The following UBIAD1 variants were observed in gnomAD, a reference collection of about 807,000 sequenced individuals.
The protein encoded by UBIAD1 is ubiA prenyltransferase domain-containing protein 1.
UBIAD1 carries 12 observed loss-of-function variants against 20.1 expected under a neutral mutation model. The observed-to-expected ratio is 0.60, with a 90% confidence interval of 0.38 to 0.97. The LOEUF (loss-of-function observed/expected upper bound fraction) is 0.97, where lower values mean the gene tolerates loss of function less well. UBIAD1 is among the 50% of genes least tolerant of loss of function. The pLI is 0.00. For missense variants in UBIAD1, 333 were observed against 419.5 expected, an observed-to-expected ratio of 0.79 and a Z score of 1.80; for synonymous variants, 207 against 189.2, an observed-to-expected ratio of 1.09 and a Z score of -0.77.
Position 11,286,244 on chromosome 1 carries a change from A to G in UBIAD1, c.*113A>G. 7.3e-7 allele frequency: 1 copy of G among 1,371,156 alleles called. No individual in the cohort carries two copies. Among genetic ancestry groups the G allele is most frequent in the African/African-American group, 1.4e-5 (1 of 68,966 alleles). 84.9% of individuals were successfully genotyped at this position (1,371,156 alleles called of 1,614,324 possible). A position where few individuals can be genotyped will look rare whatever the true frequency, so the allele number is the denominator to read the frequency against. ...GTCAGGGTACTAAGCATGGGTGGGA[A>G]CTCCTGCCTTATAAAAATTGTTTTT... On this transcript the variant is annotated 3_prime_UTR_variant, in exon 2 of 2. Coordinates refer to ENST00000376810, the MANE Select transcript of UBIAD1 (RefSeq NM_013319.3).
Position 11,285,605 on chromosome 1 carries a change from C to T in UBIAD1, c.530-39C>T. 6.2e-7 allele frequency: 1 copy of T among 1,613,816 alleles called. No individual in the cohort carries two copies. The highest frequency in any genetic ancestry group is 2.2e-5 in the East Asian group (1 of 44,886). Reference sequence around the variant, plus strand: ...GGTGAACAGTCCCTAAATTTCCAGCCTTGGTCTCACACCAACTCTCTGGAT... The same window carrying T: ...GGTGAACAGTCCCTAAATTTCCAGCTTTGGTCTCACACCAACTCTCTGGAT... On this transcript the variant is annotated intron_variant, in intron 1 of 1. Transcript: ENST00000376810. This position sits in a 1 kb window ranked among gnomAD's most constrained non-coding sequence, Gnocchi z 4.4.
In UBIAD1 at chr1:11,273,581, A is replaced by G; in HGVS notation, c.50A>G (p.Glu17Gly). ...LGEKINILSG[E>G]TVKAGDRDPL... is the part of the protein sequence containing the mutation. Reference sequence around the variant, plus strand: ...GAGAAGATTAACATCCTGTCGGGAGAGACTGTCAAAGCTGGGGACAGGGAC... The same window carrying G: ...GAGAAGATTAACATCCTGTCGGGAGGGACTGTCAAAGCTGGGGACAGGGAC... The change falls in exon 1 of 2, where the codon GAG becomes GGG. Residue 17 changes from glutamate to glycine, a missense_variant. Transcript: ENST00000376810. This position sits in a 1 kb window ranked among gnomAD's most constrained non-coding sequence, Gnocchi z 4.9. The G allele has an allele frequency of 3.7e-6, 6 of 1,613,490 alleles. No homozygotes were observed. The highest frequency in any genetic ancestry group is 1.1e-5 in the South Asian group (1 of 91,064).
downstream of UBIAD1, among the ~76,000 whole-genome samples, chr1:11,289,172 AGCAGGCGGTGGGAGAGAGCTAACTGAT>A (rs1638320784): frequency 6.6e-6 from 1 of 152,230 alleles, no homozygotes; most frequent in Non-Finnish European, 1.5e-5. Context: ...TGAGAGACTG[AGCAGGCGGTGGGAGAGAGCTAACTGAT>A]CAGCATGTCA....
At chr1:11,281,893 G>A (rs560509966) in intron 1 of UBIAD1, among the ~76,000 whole-genome samples, 22 of 152,300 alleles carry the variant, frequency 1.4e-4, no homozygotes, top group African/African-American at 4.3e-4. Flanking sequence ...TTTGCTCAGC[G>A]TGATGTTTTT....
downstream of UBIAD1, among the ~76,000 whole-genome samples, chr1:11,292,668 T>TATACACACACACAC (rs1223161585): frequency 2.2e-4 from 31 of 140,742 alleles, no homozygotes; most frequent in East Asian, 1.7e-3. Context: ...ATTTTATGTA[T>TATACACACACACAC]ACACACACAC....
chr1:11,284,269 G>T (rs764417126), intron 1 of UBIAD1, among the ~76,000 whole-genome samples: 75 of 152,244 alleles, frequency 4.9e-4, no homozygotes, highest in Admixed American at 5.9e-4. Context: ...GGCCAAGGGA[G>T]GGGTGTCTGA....
chr1:11,295,052 T>C, exon 2 of UBIAD1: 1 of 678,180 alleles, frequency 1.5e-6, no homozygotes, highest in Non-Finnish European at 2.7e-6. Context: ...GAGCTGACAA[T>C]TGTATGCATG....
chr1:11,282,228 G>C (rs1486491653), intron 1 of UBIAD1, among the ~76,000 whole-genome samples: 1 of 152,178 alleles, frequency 6.6e-6, no homozygotes, highest in South Asian at 2.1e-4. Flanking sequence ...GTTGCTCTGC[G>C]TCTTGCCAAC....
rs1482286909 is a variant in UBIAD1, at chr1:11,285,521, C to T, written c.530-123C>T. 6.9e-7 allele frequency: 1 copy of T among 1,441,552 alleles called. No homozygotes were observed. Among genetic ancestry groups the T allele is most frequent in the Non-Finnish European group, 9.6e-7 (1 of 1,046,940 alleles). The allele number at this position is 1,441,552 out of a possible 1,614,324, so 89.3% of individuals were successfully genotyped here. On this transcript the variant is annotated intron_variant, in intron 1 of 1. Transcript: ENST00000376810. The surrounding 1 kb of genome is among the most constrained non-coding windows in gnomAD (Gnocchi z 4.4). ...GTGGGGTTAAGGGATGAAATGAGTG[C>T]CCACCTGCACAGTCTAAGGATTTAC...
Position 11,273,444 on chromosome 1 carries a change from C to T in UBIAD1, c.-88C>T. 4 of 1,552,968 alleles carry T rather than the reference C, an allele frequency of 2.6e-6. No individual in the cohort carries two copies. Among genetic ancestry groups the T allele is most frequent in the South Asian group, 2.2e-5 (2 of 89,004 alleles). ...GGCGGAACCGAAGGAAGGTCGGGCC[C>T]TGCTGCCCCGCCCCGTCCTTCCTCC... On this transcript the variant is annotated 5_prime_UTR_variant, in exon 1 of 2. Transcript: ENST00000376810. This position sits in a 1 kb window ranked among gnomAD's most constrained non-coding sequence, Gnocchi z 4.9.
chr1:11,276,489 C>A (rs772557086), intron 1 of UBIAD1, among the ~76,000 whole-genome samples: 30 of 151,880 alleles, frequency 2.0e-4, no homozygotes, highest in Non-Finnish European at 5.9e-5. Flanking sequence ...CATGGTGAAA[C>A]CTTGTCTGTA....
downstream of UBIAD1, among the ~76,000 whole-genome samples, chr1:11,291,388 A>G (rs1202089652): frequency 6.6e-6 from 1 of 152,172 alleles, no homozygotes; most frequent in African/African-American, 2.4e-5. Flanking sequence ...TGGGTGGATC[A>G]CTTGAGTTCA....
At position 11,286,290 on chromosome 1, in the gene UBIAD1, T is replaced by C; in HGVS notation, c.*159T>C. 3 of 964,628 alleles carry C rather than the reference T, an allele frequency of 3.1e-6. No individual in the cohort carries two copies. Among genetic ancestry groups the C allele is most frequent in the Non-Finnish European group, 1.5e-6 (1 of 655,254 alleles). 59.8% of individuals were successfully genotyped at this position (964,628 alleles called of 1,614,324 possible). ...TTTTTGTGTTCTTAAAGATAATATG[T>C]TGTTTTTCTGTTTTTTGTTTTTTCC... On this transcript the variant is annotated 3_prime_UTR_variant, in exon 2 of 2. Coordinates refer to ENST00000376810, the MANE Select transcript of UBIAD1 (RefSeq NM_013319.3).
chr1:11,298,012 G>C (rs1303610379), downstream of UBIAD1, among the ~76,000 whole-genome samples: 1 of 151,594 alleles, frequency 6.6e-6, no homozygotes, highest in Non-Finnish European at 1.5e-5. This position sits in a 1 kb window ranked among gnomAD's most constrained non-coding sequence, Gnocchi z 4.0. Context: ...CCAGGCTGAA[G>C]TGCAGTGGCA....
chr1:11,277,390 G>A (rs1377635650), intron 1 of UBIAD1, among the ~76,000 whole-genome samples: 1 of 151,226 alleles, frequency 6.6e-6, no homozygotes, highest in African/African-American at 2.4e-5. Flanking sequence ...CGCCTCCCAG[G>A]TTCAAGTATA....
downstream of UBIAD1, among the ~76,000 whole-genome samples, chr1:11,296,314 G>A (rs1003805588): frequency 6.6e-6 from 1 of 152,120 alleles, no homozygotes; most frequent in African/African-American, 2.4e-5. Flanking sequence ...AGCACTGGGT[G>A]GGTAGAAGTC....
At chr1:11,292,560 G>C (rs993103686), downstream of UBIAD1, among the ~76,000 whole-genome samples, 3 of 152,082 alleles carry the variant, frequency 2.0e-5, no homozygotes, top group Non-Finnish European at 2.9e-5. Flanking sequence ...GGAGGACAGA[G>C]TACAAGAGCC....
At chr1:11,299,463 C>CG (rs772726625), downstream of UBIAD1, among the ~76,000 whole-genome samples, 11 of 152,228 alleles carry the variant, frequency 7.2e-5, no homozygotes, top group Non-Finnish European at 1.6e-4. Context: ...ATTTGGTTAA[C>CG]AGTCTTTTTC....
chr1:11,299,215 C>T (rs1053681180), downstream of UBIAD1, among the ~76,000 whole-genome samples: 7 of 152,356 alleles, frequency 4.6e-5, no homozygotes, highest in East Asian at 1.2e-3. Context: ...CATGTCAAGG[C>T]CGCCTAACCA....
Sources: allele counts gnomAD v4.1 joint callset (sites outside exome capture counted in the v4.1 genomes callset), GRCh38; gene constraint gnomAD v4.1.1; non-coding constraint Gnocchi (gnomAD v3.1); transcripts MANE v1.5; gene names NCBI Gene and HGNC (gene_info 2026-07-23, HGNC 2026-07-21).